The following PPM1L variants were observed in gnomAD, a reference collection of about 807,000 sequenced individuals.
The protein encoded by PPM1L is protein phosphatase, Mg2+/Mn2+ dependent 1L, also known as protein phosphatase 1L.
In PPM1L, 13 loss-of-function variants were observed where a neutral mutation model predicts 31.4. The ratio of observed to expected loss-of-function variants is 0.41; its 90% CI spans 0.27 to 0.66. The LOEUF is 0.66. PPM1L is among the 30% of genes least tolerant of loss of function. The pLI is 0.29. For synonymous variants in PPM1L, 184 were observed against 175.4 expected, an observed-to-expected ratio of 1.05 and a Z score of -0.39; for missense variants, 326 against 453.7, an observed-to-expected ratio of 0.72 and a Z score of 2.56.
At chr3:160,985,972 C>T (rs1156327065) in intron 2 of PPM1L, among the ~76,000 whole-genome samples, 1 of 48,322 alleles carries the variant, frequency 2.1e-5, no homozygotes. Flanking sequence ...GGAACACTCT[C>T]CACCCACCCA....
chr3:160,948,475 G>C (rs989385414), intron 1 of PPM1L, among the ~76,000 whole-genome samples: 6 of 152,180 alleles, frequency 3.9e-5, no homozygotes, highest in Non-Finnish European at 7.3e-5. Context: ...GGTCAGGTCA[G>C]TGTTCTTACC....
chr3:161,056,495 A>T (rs1390026571), intron 2 of PPM1L, among the ~76,000 whole-genome samples: 1 of 152,176 alleles, frequency 6.6e-6, no homozygotes, highest in East Asian at 1.9e-4. Context: ...TTTAAATAAC[A>T]TTAAATTCAT....
At chr3:160,854,311 T>G (rs1180514593) in intron 1 of PPM1L, among the ~76,000 whole-genome samples, 1 of 152,166 alleles carries the variant, frequency 6.6e-6, no homozygotes, top group African/African-American at 2.4e-5. Flanking sequence ...CCTTAGACTC[T>G]TAGCTGGGTG....
At chr3:160,879,075 A>C (rs1323402806) in intron 1 of PPM1L, among the ~76,000 whole-genome samples, 1 of 152,202 alleles carries the variant, frequency 6.6e-6, no homozygotes, top group African/African-American at 2.4e-5. Flanking sequence ...TTATGCTTTG[A>C]ATGTAGCAAA....
In PPM1L at chr3:161,069,275, C is replaced by G. The variant is rs1559943891; in HGVS notation, c.*118C>G. 2 of 793,360 alleles carry G rather than the reference C, an allele frequency of 2.5e-6. No individual in the cohort carries two copies. Among genetic ancestry groups the G allele is most frequent in the African/African-American group, 1.7e-5 (1 of 57,360 alleles). The allele number at this position is 793,360 out of a possible 1,614,324, so 49.1% of individuals were successfully genotyped here. On this transcript the variant is annotated 3_prime_UTR_variant, in exon 4 of 4. Transcript: ENST00000498165. The stretch of plus-strand genomic sequence containing the variant: ...ATCATCCACCCCAGACATGGAATCC[C>G]CCCTCCCTGGTGGTCTTAGGTCTAT...
At chr3:161,065,381 C>A in intron 2 of PPM1L, 22 bp from the exon 3 acceptor site, 1 of 1,609,170 alleles carries the variant, frequency 6.2e-7, no homozygotes, top group South Asian at 1.1e-5. Flanking sequence ...CTCCCGCGTT[C>A]TCTCTCTCTT....
At chr3:160,949,877 C>T (rs890104535) in intron 1 of PPM1L, among the ~76,000 whole-genome samples, 1 of 152,144 alleles carries the variant, frequency 6.6e-6, no homozygotes, top group African/African-American at 2.4e-5. Flanking sequence ...GGTGATGATT[C>T]CTATTTGTAC....
chr3:160,783,549 G>A (rs1466255717), intron 1 of PPM1L, among the ~76,000 whole-genome samples: 4 of 144,516 alleles, frequency 2.8e-5, no homozygotes, highest in African/African-American at 7.7e-5. Flanking sequence ...GCAGTGAGCC[G>A]AGATCTCACC....
At chr3:160,817,107 T>C (rs1713020817) in intron 1 of PPM1L, among the ~76,000 whole-genome samples, 1 of 152,082 alleles carries the variant, frequency 6.6e-6, no homozygotes, top group Non-Finnish European at 1.5e-5. Context: ...AAGGAAGCTG[T>C]AGATAAGTTT....
intron 1 of PPM1L, among the ~76,000 whole-genome samples, chr3:160,790,802 A>G (rs112640712): frequency 0.017 from 2,583 of 152,168 alleles, 71 homozygotes; most frequent in African/African-American, 0.059. Context: ...GTCATTTAAG[A>G]GTTGGCATTT....
At chr3:160,973,977 C>T (rs906153898) in intron 2 of PPM1L, among the ~76,000 whole-genome samples, 7 of 146,908 alleles carry the variant, frequency 4.8e-5, no homozygotes, top group Admixed American at 1.4e-4. Context: ...CCCACTAACT[C>T]GTCATCTAGC....
intron 1 of PPM1L, among the ~76,000 whole-genome samples, chr3:160,857,035 A>G (rs1711732193): frequency 6.6e-6 from 1 of 152,166 alleles, no homozygotes; most frequent in South Asian, 2.1e-4. Context: ...TTTACTTGCC[A>G]AAAGCAACAA....
At chr3:160,940,130 G>C (rs1356196081) in intron 1 of PPM1L, among the ~76,000 whole-genome samples, 4 of 152,204 alleles carry the variant, frequency 2.6e-5, no homozygotes, top group Admixed American at 6.5e-5. Context: ...CTTTGAACTG[G>C]AGAAAGATGA....
chr3:160,879,092 G>A (rs919476348), intron 1 of PPM1L, among the ~76,000 whole-genome samples: 42 of 152,300 alleles, frequency 2.8e-4, no homozygotes, highest in Middle Eastern at 3.4e-3. Flanking sequence ...CAAAGAAAGA[G>A]AAGGCAAACA....
At chr3:160,760,718 T>G (rs772579530) in intron 1 of PPM1L, among the ~76,000 whole-genome samples, 1 of 152,122 alleles carries the variant, frequency 6.6e-6, no homozygotes, top group Non-Finnish European at 1.5e-5. Context: ...GTGGTTTTTT[T>G]TTTGTTTTTT....
At chr3:160,895,559 C>T (rs1043776596) in intron 1 of PPM1L, among the ~76,000 whole-genome samples, 1 of 152,080 alleles carries the variant, frequency 6.6e-6, no homozygotes, top group Non-Finnish European at 1.5e-5. Context: ...CCCCTCTGAA[C>T]CTTTTTCATG....
intron 1 of PPM1L, among the ~76,000 whole-genome samples, chr3:160,926,918 C>A (rs1460929117): frequency 6.6e-6 from 1 of 152,192 alleles, no homozygotes; most frequent in Non-Finnish European, 1.5e-5. Flanking sequence ...TGTTTTATTT[C>A]AAGTATATTC....
At chr3:160,918,592 G>T (rs988051756) in intron 1 of PPM1L, among the ~76,000 whole-genome samples, 2 of 152,136 alleles carry the variant, frequency 1.3e-5, no homozygotes, top group Admixed American at 1.3e-4. Flanking sequence ...TATGGATTTT[G>T]TCTTTCCTTA....
chr3:160,779,532 T>C (rs942950590), intron 1 of PPM1L, among the ~76,000 whole-genome samples: 8 of 152,096 alleles, frequency 5.3e-5, no homozygotes, highest in Non-Finnish European at 1.2e-4. Flanking sequence ...CTACTTTTTT[T>C]TCTTTTTTGA....
Sources: allele counts gnomAD v4.1 joint callset (sites outside exome capture counted in the v4.1 genomes callset), GRCh38; gene constraint gnomAD v4.1.1; transcripts MANE v1.5; gene names NCBI Gene and HGNC (gene_info 2026-07-23, HGNC 2026-07-21).